Variants in ZWILCH observed in about 807,000 individuals in gnomAD.
ZWILCH encodes the protein protein zwilch homolog.
In ZWILCH, 74 loss-of-function variants were observed where a neutral mutation model predicts 79.9. The observed-to-expected ratio is 0.93, with a 90% CI of 0.77 to 1.12. The LOEUF (loss-of-function observed/expected upper bound fraction) is 1.12, where lower values mean the gene tolerates loss of function less well. Ranked by LOEUF, ZWILCH falls within the 50% of genes most tolerant of loss-of-function variation. The pLI, the probability that ZWILCH is intolerant of heterozygous loss-of-function variation, is 0.00. For missense variants in ZWILCH, 694 were observed against 687.5 expected (o/e 1.01, Z -0.11); for synonymous variants, 241 against 228.2 (o/e 1.06, Z -0.51).
chr15:66,536,487 G>A (rs1895020465), intron 15 of ZWILCH, among the ~76,000 whole-genome samples: 1 of 152,182 alleles, frequency 6.6e-6, no homozygotes, highest in Non-Finnish European at 1.5e-5. Context: ...TGTAATTGTA[G>A]AGACTGCTGT....
intron 8 of ZWILCH, 127 bp downstream of exon 8, chr15:66,523,875 T>G: frequency 3.2e-6 from 2 of 619,688 alleles, no homozygotes; most frequent in Non-Finnish European, 5.3e-6. Flanking sequence ...TTAGAAGCTC[T>G]GACAGTTTGG....
chr15:66,542,367 C>T (rs1032161519), intron 17 of ZWILCH, among the ~76,000 whole-genome samples: 5 of 152,116 alleles, frequency 3.3e-5, no homozygotes, highest in Non-Finnish European at 5.9e-5. Context: ...AAGTGGATCA[C>T]GAGGTCAGGA....
At position 66,550,130 on chromosome 15, in the gene ZWILCH, A is replaced by G. The variant is rs771010108; in HGVS notation, c.*1806A>G. The G allele has an allele frequency of 4.0e-6, 6 of 1,495,680 alleles. No homozygotes were observed. The African/African-American group carries it at 4.2e-5, about 10-fold the overall frequency. The allele number at this position is 1,495,680 out of a possible 1,614,324, so 92.7% of individuals were successfully genotyped here. ...CTAATAAAAACCCACTTGATAAGTA[A>G]TGTTGTCTTAGACTAATTTTTTGCT... On this transcript the variant is annotated 3_prime_UTR_variant, in exon 19 of 19. Transcript: ENST00000307897.
chr15:66,506,496 C>T (rs1464835490), intron 1 of ZWILCH, among the ~76,000 whole-genome samples: 5 of 152,132 alleles, frequency 3.3e-5, no homozygotes, highest in Non-Finnish European at 7.3e-5. Flanking sequence ...TGGCAAGACC[C>T]CGTCTCTACT....
At chr15:66,527,809 T>C in intron 9 of ZWILCH, 48 bp from the exon 10 acceptor site, 1 of 1,518,388 alleles carries the variant, frequency 6.6e-7, no homozygotes, top group East Asian at 2.3e-5. Flanking sequence ...TGGAAATAAT[T>C]TGGAAAGCAG....
chr15:66,525,861 A>G (rs1015011352), intron 8 of ZWILCH, among the ~76,000 whole-genome samples: 4 of 144,972 alleles, frequency 2.8e-5, no homozygotes, highest in African/African-American at 7.8e-5. Context: ...TCCTAGATTC[A>G]AGTGATTTAC....
intron 17 of ZWILCH, among the ~76,000 whole-genome samples, chr15:66,545,666 T>TA (rs1162803308): frequency 6.6e-6 from 1 of 152,244 alleles, no homozygotes. Context: ...TAACCTCTTG[T>TA]AGCCATCATA....
chr15:66,517,430 G>GTGTGTGTGTATATATATATATATATA lies in ZWILCH; in HGVS notation c.321-1448_321-1447insGTGTGTGTATATATATATATATATAT. Among the ~76,000 whole-genome samples the GTGTGTGTGTATATATATATATATATA allele has an allele frequency of 8.1e-4, 54 of 66,460 alleles. 1 individual carries two copies. Among genetic ancestry groups the GTGTGTGTGTATATATATATATATATA allele is most frequent in the South Asian group, 2.0e-3 (4 of 2,048 alleles). 43.6% of individuals were successfully genotyped at this position (66,460 alleles called of 152,430 possible). A position where few individuals can be genotyped will look rare whatever the true frequency, so the allele number is the denominator to read the frequency against. The stretch of plus-strand genomic sequence containing the variant: ...TGTTTGTGTGTGCGTGTGTGTGTGT[G>GTGTGTGTGTATATATATATATATATA]TATATATATATATATATATATATAT... On this transcript the variant is annotated intron_variant, in intron 4 of 18. Transcript: ENST00000307897.
At chr15:66,511,591 T>TA (rs1894067477) in intron 2 of ZWILCH, among the ~76,000 whole-genome samples, 1 of 151,948 alleles carries the variant, frequency 6.6e-6, no homozygotes, top group African/African-American at 2.4e-5. Flanking sequence ...TGTGAGATGG[T>TA]AAAAATAAAC....
At chr15:66,509,709 A>C (rs978243377) in intron 2 of ZWILCH, among the ~76,000 whole-genome samples, 1 of 139,540 alleles carries the variant, frequency 7.2e-6, no homozygotes, top group Non-Finnish European at 1.7e-5. Context: ...ACCTATGTCC[A>C]TGAAATAATT....
intron 16 of ZWILCH, 111 bp from the exon 17 acceptor site, chr15:66,539,987 T>G: frequency 1.6e-6 from 1 of 639,638 alleles, no homozygotes; most frequent in South Asian, 2.2e-5. Flanking sequence ...CCCGTTTACC[T>G]CTTTGTCCTC....
In ZWILCH at chr15:66,527,890, CAA is replaced by C. The variant is rs746390455; in HGVS notation, c.953_954del (p.Lys318ArgfsTer3). On this transcript the variant is annotated frameshift_variant, in exon 10 of 19. Transcript: ENST00000307897. LOFTEE classifies it high-confidence loss of function. Reference sequence around the variant, plus strand: ...AAGCTGGATGGATTTGGTGATTCTACAAAAAAAGACACTGAGGTTGAGGTAAG... The same window carrying C: ...AAGCTGGATGGATTTGGTGATTCTACAAAAAGACACTGAGGTTGAGGTAAG... 6.3e-7 allele frequency: 1 copy of C among 1,596,154 alleles called. No individual in the cohort carries two copies. The highest frequency in any genetic ancestry group is 8.5e-7 in the Non-Finnish European group (1 of 1,175,198).
intron 1 of ZWILCH, 177 bp from the exon 2 acceptor site, chr15:66,508,664 A>G (rs1308548262): frequency 2.3e-6 from 3 of 1,294,170 alleles, no homozygotes; most frequent in African/African-American, 3.0e-5. Flanking sequence ...TCTTAACCTA[A>G]TGCTTCTTTT....
In ZWILCH at chr15:66,509,865, ATATATC is replaced by A. The variant is rs1254847634; in HGVS notation, c.105+975_105+980del. On this transcript the variant is annotated intron_variant, in intron 2 of 18. Coordinates refer to ENST00000307897, the MANE Select transcript of ZWILCH (RefSeq NM_017975.5). The stretch of plus-strand genomic sequence containing the variant: ...TATATATATATATATATATATATAT[ATATATC>A]TCTTAAAAATCAATGAGGAAGATGG... Among the ~76,000 whole-genome samples the A allele has an allele frequency of 4.3e-3, 332 of 77,718 alleles. 4 individuals are homozygous for A. Among genetic ancestry groups the A allele is most frequent in the Non-Finnish European group, 8.0e-3 (266 of 33,390 alleles). The allele number at this position is 77,718 out of a possible 152,430, so 51.0% of individuals were successfully genotyped here.
intron 1 of ZWILCH, among the ~76,000 whole-genome samples, chr15:66,506,230 C>A (rs1215016903): frequency 2.0e-5 from 3 of 151,992 alleles, no homozygotes; most frequent in African/African-American, 7.3e-5. Context: ...AAAGTAGTGA[C>A]GCTTGTAAAC....
chr15:66,525,760 T>TC (rs1298060657), intron 8 of ZWILCH, among the ~76,000 whole-genome samples: 1 of 136,104 alleles, frequency 7.3e-6, no homozygotes, highest in Non-Finnish European at 1.6e-5. Context: ...ATTTTTCTTT[T>TC]TTTTTTTTTT....
At chr15:66,541,078 AG>A (rs1255327191) in intron 17 of ZWILCH, among the ~76,000 whole-genome samples, 2 of 150,716 alleles carry the variant, frequency 1.3e-5, no homozygotes, top group African/African-American at 4.9e-5. Context: ...CAGGAGTTAG[AG>A]ACCAGCCTGG....
Position 66,550,060 on chromosome 15 carries a change from G to A in ZWILCH, c.*1736G>A, listed in dbSNP as rs1039744390. 3 of 1,604,610 alleles carry A rather than the reference G, an allele frequency of 1.9e-6. No homozygotes were observed. The African/African-American group carries it at 4.0e-5, about 22-fold the overall frequency. On this transcript the variant is annotated 3_prime_UTR_variant, in exon 19 of 19. Coordinates refer to ENST00000307897, the MANE Select transcript of ZWILCH (RefSeq NM_017975.5). ...ACTCACCTGCAGCAAGCATCTGATT[G>A]TTGATAGAGCAAGTTTCCAAAGCTT... is the stretch of plus-strand genomic sequence containing the variant.
chr15:66,521,712 T>C (rs549329005), intron 7 of ZWILCH, among the ~76,000 whole-genome samples: 1 of 152,074 alleles, frequency 6.6e-6, no homozygotes, highest in Non-Finnish European at 1.5e-5. Flanking sequence ...CAAGCTGGTC[T>C]CAAACCCCTG....
Sources: allele counts gnomAD v4.1 joint callset (sites outside exome capture counted in the v4.1 genomes callset), GRCh38; gene constraint gnomAD v4.1.1; transcripts MANE v1.5; gene names NCBI Gene and HGNC (gene_info 2026-07-23, HGNC 2026-07-21).